ALDH3B1: variants seen among roughly 807,000 people sequenced by gnomAD.
The protein encoded by ALDH3B1 is aldehyde dehydrogenase family 3 member B1.
In ALDH3B1, 37 loss-of-function variants were observed where a neutral mutation model predicts 46.2. That is an observed-to-expected ratio of 0.80 (90% CI 0.62 to 1.05). ALDH3B1 has a LOEUF of 1.05. ALDH3B1 is among the 50% of genes least tolerant of loss of function. ALDH3B1 has a pLI of 0.00. For missense variants in ALDH3B1, 603 were observed against 665.5 expected, an observed-to-expected ratio of 0.91 and a Z score of 1.03; for synonymous variants, 283 against 281.0, an observed-to-expected ratio of 1.01 and a Z score of -0.07.
At chr11:68,027,068 G>A (rs528956014) in intron 9 of ALDH3B1, among the ~76,000 whole-genome samples, 29 of 152,030 alleles carry the variant, frequency 1.9e-4, no homozygotes, top group African/African-American at 4.3e-4. Flanking sequence ...CTTGGTGGCC[G>A]TGGCCCCACC....
rs118191212 is a variant in ALDH3B1, at chr11:68,017,026, C to A, written c.163-1501C>A. On this transcript the variant is annotated intron_variant, in intron 2 of 9. Transcript: ENST00000342456. ...AGCATCTGCCCAGCGTCACGTGCACCCTCTCAGTTAACCCTTTGGTGAATC... is the reference window on the plus strand; with the variant it reads ...AGCATCTGCCCAGCGTCACGTGCACACTCTCAGTTAACCCTTTGGTGAATC... The A allele has an allele frequency of 2.7e-3, 413 of 152,548 alleles. 1 individual carries two copies. Among genetic ancestry groups the A allele is most frequent in the Non-Finnish European group, 5.0e-3 (338 of 68,172 alleles). The allele number at this position is 152,548 out of a possible 1,614,324, so 9.4% of individuals were successfully genotyped here.
intron 2 of ALDH3B1, 93 bp downstream of exon 2, chr11:68,015,552 C>G: frequency 6.6e-7 from 1 of 1,513,014 alleles, no homozygotes; most frequent in Non-Finnish European, 9.0e-7. Flanking sequence ...CCTGCGCCCT[C>G]CATGAAGCGG....
At chr11:68,012,606 G>A (rs905063600) in intron 1 of ALDH3B1, among the ~76,000 whole-genome samples, 5 of 152,204 alleles carry the variant, frequency 3.3e-5, no homozygotes, top group Non-Finnish European at 7.3e-5. Context: ...AAGCAGTGTG[G>A]GGAGTGGCAG....
At chr11:68,020,676 GGAGCCCTGGAAGGAACCACA>G (rs1054875348) in intron 6 of ALDH3B1, among the ~76,000 whole-genome samples, 3 of 152,110 alleles carry the variant, frequency 2.0e-5, no homozygotes, top group Non-Finnish European at 4.4e-5. Context: ...CAAAGGCAAA[GGAGCCCTGGAAGGAACCACA>G]GAGCCCAGGA....
chr11:68,014,604 T>A (rs1857301385), intron 1 of ALDH3B1, among the ~76,000 whole-genome samples: 1 of 152,036 alleles, frequency 6.6e-6, no homozygotes, highest in Non-Finnish European at 1.5e-5. Flanking sequence ...TGTTTCTGCC[T>A]CCCAGCACCA....
At chr11:68,011,819 C>A (rs907967756) in intron 1 of ALDH3B1, among the ~76,000 whole-genome samples, 1 of 152,214 alleles carries the variant, frequency 6.6e-6, no homozygotes, top group African/African-American at 2.4e-5. Flanking sequence ...TCCCTGAGCC[C>A]TCCTCTGGTA....
Position 68,015,428 on chromosome 11 carries a change from T to C in ALDH3B1, c.131T>C (p.Leu44Pro). The C allele has an allele frequency of 6.4e-7, 1 of 1,561,726 alleles. No homozygotes were observed. Among genetic ancestry groups the C allele is most frequent in the Non-Finnish European group, 8.7e-7 (1 of 1,153,316 alleles). Residue 44 changes from leucine (L) to proline (P), a missense_variant, in exon 2 of 10, where the codon CTG (leucine) becomes CCG (proline). By Grantham distance (98) the Leu-to-Pro change is moderately conservative. Coordinates refer to ENST00000342456, the MANE Select transcript of ALDH3B1 (RefSeq NM_000694.4). Reference sequence around the variant, plus strand: ...TTCCTGCAAGAAAACAAGCAGCTTCTGCACGACGCACTGGCCCAGGACCTG... The same window carrying C: ...TTCCTGCAAGAAAACAAGCAGCTTCCGCACGACGCACTGGCCCAGGACCTG... The part of the protein sequence containing the change: ...GRFLQENKQL[L>P]HDALAQDLHK...
chr11:68,015,167 A>C (rs1857317708), intron 1 of ALDH3B1, 130 bp from the exon 2 acceptor site: 2 of 983,814 alleles, frequency 2.0e-6, no homozygotes, highest in Non-Finnish European at 2.9e-6. Context: ...GTGTGTGTAT[A>C]AGGTAGAGGT....
At position 68,028,162 on chromosome 11, in the gene ALDH3B1, G is replaced by C. The variant is rs763295304; in HGVS notation, c.*223G>C. 1.3e-6 allele frequency: 1 copy of C among 749,986 alleles called. No homozygotes were observed. The highest frequency in any genetic ancestry group is 2.4e-6 in the Non-Finnish European group (1 of 416,610). 46.5% of individuals were successfully genotyped at this position (749,986 alleles called of 1,614,324 possible). ...ATGAGAGCCGAGGTGGGAGGCATGG[G>C]AAACAGTGCAGTGACTCACCCCCTG... On this transcript the variant is annotated 3_prime_UTR_variant, in exon 10 of 10. Transcript: ENST00000342456.
chr11:68,018,965 G>C (rs1214542544), intron 4 of ALDH3B1, 72 bp downstream of exon 4: 4 of 1,507,320 alleles, frequency 2.7e-6, no homozygotes, highest in Non-Finnish European at 3.5e-6. Flanking sequence ...TGGATCCCAG[G>C]AGGACATGGG....
intron 2 of ALDH3B1, chr11:68,016,695 GACAA>G (rs1857358364): frequency 6.6e-6 from 1 of 152,588 alleles, no homozygotes; most frequent in Admixed American, 6.5e-5. Flanking sequence ...CTATTCTCTG[GACAA>G]AATATCTCCT....
At chr11:68,015,134 T>C in intron 1 of ALDH3B1, 163 bp from the exon 2 acceptor site, 1 of 706,684 alleles carries the variant, frequency 1.4e-6, no homozygotes, top group South Asian at 2.3e-5. Flanking sequence ...TCAGTCCCTG[T>C]GGGGTCATCT....
intron 8 of ALDH3B1, among the ~76,000 whole-genome samples, chr11:68,023,303 CTTT>C (rs34494820): frequency 2.5e-5 from 3 of 118,990 alleles, no homozygotes; most frequent in Admixed American, 8.4e-5. Flanking sequence ...TCCACTTGAA[CTTT>C]TTTTTTTTTT....
chr11:68,010,680 C>T (rs377276427), intron 1 of ALDH3B1, among the ~76,000 whole-genome samples: 2 of 152,188 alleles, frequency 1.3e-5, no homozygotes, highest in Admixed American at 6.5e-5. Flanking sequence ...CTGGGATTCC[C>T]GGACACCCTC....
At position 68,025,978 on chromosome 11, in the gene ALDH3B1, G is replaced by A. The variant is rs773236244; in HGVS notation, c.1117-31G>A. ...CCTGAGGATCCTGATGGGGCTCAAG[G>A]CAGCCTCACGCACATCCTGTTCTCT... On this transcript the variant is annotated intron_variant, in intron 8 of 9. Transcript: ENST00000342456. The A allele has an allele frequency of 3.6e-5, 54 of 1,495,362 alleles. No individual in the cohort carries two copies. In the Admixed American group the frequency reaches 6.0e-4, roughly 17 times the overall value. The allele number at this position is 1,495,362 out of a possible 1,614,324, so 92.6% of individuals were successfully genotyped here.
At chr11:68,022,072 C>T (rs1857514568) in intron 7 of ALDH3B1, among the ~76,000 whole-genome samples, 1 of 152,252 alleles carries the variant, frequency 6.6e-6, no homozygotes, top group African/African-American at 2.4e-5. Flanking sequence ...ACTCTGGTCC[C>T]TCACCTTGGA....
chr11:68,026,025 T>C lies in ALDH3B1; in HGVS notation c.1133T>C (p.Leu378Pro). The C allele has an allele frequency of 6.2e-7, 1 of 1,606,734 alleles. No individual in the cohort carries two copies. Among genetic ancestry groups the C allele is most frequent in the Non-Finnish European group, 8.5e-7 (1 of 1,176,576 alleles). ...SNSSQVVKRV[L>P]TQTSSGGFCG... ...CTCTCCCAGGTGGTCAAGCGGGTGC[T>C]GACCCAGACCAGCAGCGGGGGCTTC... The change falls in exon 9 of 10, where the codon CTG (leucine) becomes CCG (proline). Residue 378 changes from leucine (L) to proline (P), a missense_variant. Physicochemically the swap from Leu to Pro is moderately conservative, Grantham distance 98 (BLOSUM62 -3). Transcript: ENST00000342456.
chr11:68,018,731 G>C (rs770114586), intron 3 of ALDH3B1, 42 bp from the exon 4 acceptor site: 8 of 1,549,374 alleles, frequency 5.2e-6, no homozygotes, highest in Non-Finnish European at 7.0e-6. Flanking sequence ...CTGAGGGGCC[G>C]GGGTGCTGAG....
intron 2 of ALDH3B1, chr11:68,017,807 G>C (rs1857383758): frequency 6.6e-6 from 1 of 152,198 alleles, no homozygotes; most frequent in Non-Finnish European, 1.5e-5. Flanking sequence ...TTTGAGGCCA[G>C]GAGTTCAAGA....
Sources: gnomAD v4.1 joint callset for allele counts (sites outside exome capture counted in the v4.1 genomes callset) on GRCh38, gnomAD v4.1.1 for gene constraint, MANE v1.5 for transcripts, NCBI Gene and HGNC (gene_info 2026-07-23, HGNC 2026-07-21) for gene names.